SV2C: variants seen among roughly 807,000 people sequenced by gnomAD.
SV2C encodes the protein synaptic vesicle glycoprotein 2C, also known as solute carrier family 22 member B3.
In SV2C, 49 loss-of-function variants were observed where a neutral mutation model predicts 79.7. The observed-to-expected ratio is 0.61, with a 90% confidence interval of 0.49 to 0.78. The LOEUF is 0.78. SV2C is among the 30% of genes least tolerant of loss of function. The pLI is 0.00. For synonymous variants in SV2C, 334 were observed against 333.2 expected (o/e 1.00, Z -0.03); for missense variants, 833 against 912.9 (o/e 0.91, Z 1.13).
At chr5:75,952,535 G>A in the SV2C span, among the ~76,000 whole-genome samples, 3 of 151,950 alleles carry the variant, frequency 2.0e-5, no homozygotes, top group Non-Finnish European at 4.4e-5. Flanking sequence ...ATGGGTCAGA[G>A]CCCTCATGAA....
rs752275546 is a variant in SV2C, at chr5:76,132,275, G to A, written c.525G>A (p.Val175=). 3 of 1,614,042 alleles carry A rather than the reference G, an allele frequency of 1.9e-6. No homozygotes were observed. The highest frequency in any genetic ancestry group is 2.5e-6 in the Non-Finnish European group (3 of 1,179,978). ...DGVEVFVVGF[V]LPSAETDLCI... is the part of the protein sequence containing the mutation. Reference sequence around the variant, plus strand: ...TAGAGGTGTTTGTCGTTGGCTTCGTGTTACCCAGTGCTGAGACAGACCTCT... The same window carrying A: ...TAGAGGTGTTTGTCGTTGGCTTCGTATTACCCAGTGCTGAGACAGACCTCT... The change falls in exon 2 of 13, where the codon GTG becomes GTA. Residue 175 remains valine, a synonymous_variant. Transcript: ENST00000502798.
chr5:75,979,863 G>T, the SV2C span, among the ~76,000 whole-genome samples: 1 of 151,972 alleles, frequency 6.6e-6, no homozygotes, highest in African/African-American at 2.4e-5. Flanking sequence ...CAGAAGACAA[G>T]AAATAACCAA....
chr5:76,103,197 T>C (rs1747799122), intron 1 of SV2C, among the ~76,000 whole-genome samples: 1 of 152,192 alleles, frequency 6.6e-6, no homozygotes, highest in Non-Finnish European at 1.5e-5. Flanking sequence ...TATTTACCAG[T>C]ATGTATTTAG....
intron 2 of SV2C, among the ~76,000 whole-genome samples, chr5:76,188,055 T>TA (rs1289891140): frequency 6.6e-6 from 1 of 152,084 alleles, no homozygotes; most frequent in Non-Finnish European, 1.5e-5. Context: ...GCTCAGGAGT[T>TA]AGAGACCAGG....
chr5:76,267,482 G>T (rs539240527), intron 4 of SV2C, among the ~76,000 whole-genome samples: 1 of 152,194 alleles, frequency 6.6e-6, no homozygotes, highest in African/African-American at 2.4e-5. Context: ...ACTGTGGAGG[G>T]TATATCAAAA....
chr5:75,910,489 G>T, the SV2C span: 9 of 609,720 alleles, frequency 1.5e-5, no homozygotes, highest in Non-Finnish European at 2.1e-5. Flanking sequence ...TGTATAGCTT[G>T]TGGTCTTCTG....
chr5:76,080,910 T>C (rs1240813499), upstream of SV2C, among the ~76,000 whole-genome samples: 1 of 152,196 alleles, frequency 6.6e-6, no homozygotes, highest in Non-Finnish European at 1.5e-5. Context: ...GGCCAAGGTG[T>C]GTGCCAGGCA....
At chr5:76,302,603 C>G (rs988684298) in intron 12 of SV2C, among the ~76,000 whole-genome samples, 1 of 125,438 alleles carries the variant, frequency 8.0e-6, no homozygotes, top group African/African-American at 3.1e-5. Flanking sequence ...GCACTCCAGT[C>G]TGGACAACAA....
At chr5:76,270,817 A>G (rs747590743) in intron 4 of SV2C, among the ~76,000 whole-genome samples, 4 of 151,580 alleles carry the variant, frequency 2.6e-5, no homozygotes, top group Non-Finnish European at 2.9e-5. Context: ...CACCCAGGGT[A>G]GGGTGCAGTG....
the SV2C span, among the ~76,000 whole-genome samples, chr5:75,991,574 T>G: frequency 6.1e-3 from 900 of 147,040 alleles, 12 homozygotes; most frequent in African/African-American, 0.021. Flanking sequence ...AAGATATATA[T>G]ATATATATAT....
At chr5:76,242,351 C>G in intron 4 of SV2C, 3 of 1,377,936 alleles carry the variant, frequency 2.2e-6, no homozygotes, top group Non-Finnish European at 3.0e-6. Context: ...CGCAGCGGCG[C>G]GCGGGCTTTG....
At chr5:76,090,090 A>G (rs552782112) in intron 1 of SV2C, among the ~76,000 whole-genome samples, 2 of 152,300 alleles carry the variant, frequency 1.3e-5, no homozygotes, top group East Asian at 3.9e-4. Context: ...ACCTAATGCA[A>G]GGTAGTCCAG....
At chr5:75,967,567 C>A in the SV2C span, among the ~76,000 whole-genome samples, 1 of 152,168 alleles carries the variant, frequency 6.6e-6, no homozygotes, top group Non-Finnish European at 1.5e-5. Flanking sequence ...CAGAGCCTCG[C>A]CCACTGCTAG....
chr5:76,280,782 T>A (rs919857790), intron 4 of SV2C, among the ~76,000 whole-genome samples: 4 of 152,220 alleles, frequency 2.6e-5, no homozygotes, highest in Non-Finnish European at 2.9e-5. Flanking sequence ...AGCAGGCTCA[T>A]CCTGCCAAGC....
At chr5:76,249,452 G>C (rs922249838) in intron 4 of SV2C, among the ~76,000 whole-genome samples, 2 of 152,164 alleles carry the variant, frequency 1.3e-5, no homozygotes, top group African/African-American at 4.8e-5. Flanking sequence ...GCATGATGCA[G>C]TCCCATTATC....
At chr5:75,894,036 G>A in the SV2C span, among the ~76,000 whole-genome samples, 1 of 152,058 alleles carries the variant, frequency 6.6e-6, no homozygotes, top group South Asian at 2.1e-4. Context: ...CTCAATTTTA[G>A]TGAAGGGAAT....
chr5:76,305,901 T>TG (rs1748178436), intron 12 of SV2C, among the ~76,000 whole-genome samples: 1 of 151,956 alleles, frequency 6.6e-6, no homozygotes, highest in African/African-American at 2.4e-5. Flanking sequence ...CAAAAAGAGG[T>TG]GGGAGGGGAC....
At chr5:76,203,029 T>G (rs948587164) in intron 3 of SV2C, among the ~76,000 whole-genome samples, 2 of 152,236 alleles carry the variant, frequency 1.3e-5, no homozygotes, top group Admixed American at 1.3e-4. Context: ...AGCACTGTCT[T>G]AGGCAATGCT....
the SV2C span, among the ~76,000 whole-genome samples, chr5:76,013,606 G>A: frequency 6.6e-6 from 1 of 151,960 alleles, no homozygotes; most frequent in African/African-American, 2.4e-5. Flanking sequence ...ATTTCTTTCT[G>A]TTGCCTGATT....
Sources: allele counts gnomAD v4.1 joint callset (sites outside exome capture counted in the v4.1 genomes callset), GRCh38; gene constraint gnomAD v4.1.1; transcripts MANE v1.5; gene names NCBI Gene and HGNC (gene_info 2026-07-23, HGNC 2026-07-21).